Variants in CNTNAP2 observed in about 807,000 individuals in gnomAD.
CNTNAP2 encodes contactin-associated protein-like 2.
CNTNAP2 carries 98 observed loss-of-function variants against 155.2 expected under a neutral mutation model. That is an observed-to-expected ratio of 0.63 (90% CI 0.54 to 0.75). The LOEUF (loss-of-function observed/expected upper bound fraction) is 0.75. Among genes scored for constraint, CNTNAP2 ranks in the 30% least tolerant of loss-of-function variants. CNTNAP2 has a pLI of 0.00. For synonymous variants in CNTNAP2, 651 were observed against 631.2 expected (o/e 1.03, Z -0.47); for missense variants, 1,727 against 1,688.1 (o/e 1.02, Z -0.40).
chr7:147,385,866 C>T (rs1341773282), intron 9 of CNTNAP2, among the ~76,000 whole-genome samples: 2 of 152,240 alleles, frequency 1.3e-5, no homozygotes, highest in African/African-American at 4.8e-5. Context: ...CATTTCCCTT[C>T]TGCACTGCCC....
At chr7:146,119,878 A>G (rs1479320083) in intron 1 of CNTNAP2, among the ~76,000 whole-genome samples, 1 of 151,992 alleles carries the variant, frequency 6.6e-6, no homozygotes, top group Non-Finnish European at 1.5e-5. Flanking sequence ...ATGAATATAT[A>G]TGTGTATAAA....
At chr7:146,314,444 A>G (rs1239747515) in intron 1 of CNTNAP2, among the ~76,000 whole-genome samples, 1 of 152,180 alleles carries the variant, frequency 6.6e-6, no homozygotes, top group African/African-American at 2.4e-5. Context: ...TTTTCAGAGA[A>G]GCTGAGAGCC....
intron 1 of CNTNAP2, among the ~76,000 whole-genome samples, chr7:146,518,113 C>T (rs906024388): frequency 1.3e-5 from 2 of 151,750 alleles, no homozygotes; most frequent in Non-Finnish European, 2.9e-5. Context: ...CATTTCAGTT[C>T]AGTTTTAATT....
At chr7:146,548,334 A>G (rs969622769) in intron 1 of CNTNAP2, among the ~76,000 whole-genome samples, 2 of 151,986 alleles carry the variant, frequency 1.3e-5, no homozygotes, top group Non-Finnish European at 2.9e-5. Flanking sequence ...TCCTTGGTGT[A>G]TGTGTACCAC....
rs557444112 is a variant in CNTNAP2 at position 146,884,438 on chromosome 7, A to T, written c.402+44534A>T. 2.0e-3 allele frequency among the ~76,000 whole-genome samples: 311 copies of T among 152,106 alleles called. 1 individual carries two copies. Among genetic ancestry groups the T allele is most frequent in the Middle Eastern group, 6.8e-3 (2 of 294 alleles). On this transcript the variant is annotated intron_variant, in intron 3 of 23. Coordinates refer to ENST00000361727, the MANE Select transcript of CNTNAP2 (RefSeq NM_014141.6). Reference sequence around the variant, plus strand: ...GGTCCCTATTTTGGCTGTTACTACTATACAGCTCCTTCTCTTCTTGGGCAT... The same window carrying T: ...GGTCCCTATTTTGGCTGTTACTACTTTACAGCTCCTTCTCTTCTTGGGCAT...
chr7:147,342,506 G>T (rs1421544456), intron 9 of CNTNAP2, among the ~76,000 whole-genome samples: 1 of 152,154 alleles, frequency 6.6e-6, no homozygotes, highest in Admixed American at 6.6e-5. Flanking sequence ...TTTAATGTCA[G>T]AAATGTTTCC....
At chr7:147,830,179 A>G (rs1256423788) in intron 13 of CNTNAP2, among the ~76,000 whole-genome samples, 7 of 147,646 alleles carry the variant, frequency 4.7e-5, no homozygotes, top group African/African-American at 1.8e-4. Context: ...AAAAAAAAAA[A>G]CATAAACTAG....
At chr7:147,946,289 T>C (rs1412978909) in intron 14 of CNTNAP2, among the ~76,000 whole-genome samples, 1 of 152,152 alleles carries the variant, frequency 6.6e-6, no homozygotes, top group Non-Finnish European at 1.5e-5. Context: ...ATTAACATTG[T>C]GCTGCCATGT....
chr7:148,159,501 A>G (rs1170654562), intron 17 of CNTNAP2, among the ~76,000 whole-genome samples: 1 of 152,208 alleles, frequency 6.6e-6, no homozygotes, highest in Non-Finnish European at 1.5e-5. Flanking sequence ...TACTATGTGC[A>G]TAGTGCTCCA....
chr7:147,701,566 C>T (rs2117004797), intron 13 of CNTNAP2, among the ~76,000 whole-genome samples: 1 of 152,264 alleles, frequency 6.6e-6, no homozygotes, highest in East Asian at 1.9e-4. Context: ...AATTTGTCTT[C>T]TAACGGCTTT....
chr7:146,966,899 A>G (rs1490888856), intron 3 of CNTNAP2, among the ~76,000 whole-genome samples: 1 of 152,218 alleles, frequency 6.6e-6, no homozygotes, highest in East Asian at 1.9e-4. Flanking sequence ...TTTAAAAAGC[A>G]AAACCATGAT....
intron 20 of CNTNAP2, among the ~76,000 whole-genome samples, chr7:148,250,236 G>A (rs193057593): frequency 5.1e-4 from 78 of 152,284 alleles, no homozygotes; most frequent in African/African-American, 1.0e-3. Context: ...TACCCTGACC[G>A]CCTTATTTAG....
chr7:147,886,661 C>T (rs1010676072), intron 13 of CNTNAP2, among the ~76,000 whole-genome samples: 1 of 151,974 alleles, frequency 6.6e-6, no homozygotes, highest in Admixed American at 6.6e-5. Flanking sequence ...CATTGTAAGA[C>T]ATTCAGCTTT....
At chr7:147,303,131 C>G (rs6959935) in intron 9 of CNTNAP2, among the ~76,000 whole-genome samples, 3,248 of 152,314 alleles carry the variant, frequency 0.021, 116 homozygotes, top group African/African-American at 0.074. Flanking sequence ...TCGCCAGAAT[C>G]TTTTACCATC....
intron 15 of CNTNAP2, among the ~76,000 whole-genome samples, chr7:147,995,733 A>T (rs962699805): frequency 8.6e-5 from 13 of 151,936 alleles, no homozygotes; most frequent in Non-Finnish European, 1.9e-4. Context: ...CAGGATGGTC[A>T]CAATCTCCTG....
intron 8 of CNTNAP2, among the ~76,000 whole-genome samples, chr7:147,230,719 A>G (rs1803661021): frequency 6.6e-6 from 1 of 152,144 alleles, no homozygotes; most frequent in African/African-American, 2.4e-5. Flanking sequence ...GAAAGTTTGT[A>G]CCCTTGAACC....
intron 3 of CNTNAP2, among the ~76,000 whole-genome samples, chr7:146,943,157 A>G (rs1388429205): frequency 6.6e-6 from 1 of 152,242 alleles, no homozygotes; most frequent in East Asian, 1.9e-4. Flanking sequence ...AATATAGTCA[A>G]TTAACGTGTA....
intron 16 of CNTNAP2, among the ~76,000 whole-genome samples, chr7:148,124,609 A>G (rs75069283): frequency 1.6e-3 from 244 of 152,290 alleles, no homozygotes; most frequent in Non-Finnish European, 2.5e-3. Context: ...CATTAGTGAC[A>G]GTGTGGATAC....
chr7:148,192,055 G>A (rs573944169), intron 18 of CNTNAP2, among the ~76,000 whole-genome samples: 1 of 152,280 alleles, frequency 6.6e-6, no homozygotes, highest in South Asian at 2.1e-4. Flanking sequence ...TCTGAGGAGT[G>A]GGAAGTGGGG....
Sources: gnomAD v4.1 joint callset for allele counts (sites outside exome capture counted in the v4.1 genomes callset) on GRCh38, gnomAD v4.1.1 for gene constraint, MANE v1.5 for transcripts, NCBI Gene and HGNC (gene_info 2026-07-23, HGNC 2026-07-21) for gene names.